The following ORC3 variants were observed in gnomAD, a reference collection of about 807,000 sequenced individuals.
ORC3 encodes origin recognition complex subunit 3, also known as homolog of latheo, Drosophila.
A neutral mutation model predicts 100.7 loss-of-function variants in ORC3; 78 were observed. The observed-to-expected ratio is 0.77, with a 90% CI of 0.65 to 0.94. The LOEUF (loss-of-function observed/expected upper bound fraction) is 0.94. Among genes scored for constraint, ORC3 ranks in the 40% least tolerant of loss-of-function variants. ORC3 has a pLI of 0.00. For synonymous variants in ORC3, 295 were observed against 289.3 expected (o/e 1.02, Z -0.20); for missense variants, 789 against 823.9 (o/e 0.96, Z 0.52).
chr6:87,609,771 C>G (rs953329465), intron 7 of ORC3, among the ~76,000 whole-genome samples: 1 of 151,936 alleles, frequency 6.6e-6, no homozygotes, highest in Non-Finnish European at 1.5e-5. Context: ...AGGCTGTTCT[C>G]GAACTCCTGA....
chr6:87,653,080 G>A (rs1259045129), intron 13 of ORC3, 36 bp from the exon 14 acceptor site: 2 of 1,513,122 alleles, frequency 1.3e-6, no homozygotes, highest in African/African-American at 2.8e-5. Context: ...TAATTTTCTA[G>A]TTATATTACA....
At chr6:87,671,570 C>T (rs1453924690), downstream of ORC3, among the ~76,000 whole-genome samples, 2 of 142,464 alleles carry the variant, frequency 1.4e-5, no homozygotes, top group Non-Finnish European at 3.2e-5. Context: ...AGGCAAGCAG[C>T]CCAAGGTCAA....
chr6:87,606,134 CTA>C (rs1778323737), intron 5 of ORC3, 113 bp downstream of exon 5: 3 of 646,806 alleles, frequency 4.6e-6, no homozygotes, highest in Non-Finnish European at 2.7e-6. Flanking sequence ...GAACACAGTG[CTA>C]TGTTTTAGGC....
the ORC3 span, among the ~76,000 whole-genome samples, chr6:87,672,854 C>A: frequency 6.6e-6 from 1 of 152,060 alleles, no homozygotes; most frequent in Non-Finnish European, 1.5e-5. Context: ...ACGCTTATAC[C>A]TATGTGCACT....
chr6:87,591,750 T>A (rs745451293), intron 1 of ORC3, among the ~76,000 whole-genome samples: 13 of 152,176 alleles, frequency 8.5e-5, no homozygotes, highest in Non-Finnish European at 1.5e-4. Flanking sequence ...TTTTTTTTCT[T>A]GAGACAGAGT....
At chr6:87,613,726 C>T (rs13206536) in intron 8 of ORC3, among the ~76,000 whole-genome samples, 9,768 of 152,178 alleles carry the variant, frequency 0.064, 407 homozygotes, top group African/African-American at 0.12. Context: ...ATCTGAAATC[C>T]AGCGAGGTAG....
intron 2 of ORC3, among the ~76,000 whole-genome samples, chr6:87,597,545 A>G (rs1400005555): frequency 6.6e-6 from 1 of 152,176 alleles, no homozygotes; most frequent in African/African-American, 2.4e-5. Flanking sequence ...TGGAAAAATT[A>G]TGATATGGAA....
intron 7 of ORC3, 125 bp downstream of exon 7, chr6:87,609,354 T>C: frequency 3.2e-6 from 2 of 626,852 alleles, no homozygotes; most frequent in South Asian, 6.2e-5. Context: ...TCAAATTCTT[T>C]ATAATTGAAT....
At chr6:87,658,528 G>T (rs1240628594) in intron 16 of ORC3, among the ~76,000 whole-genome samples, 1 of 151,828 alleles carries the variant, frequency 6.6e-6, no homozygotes, top group African/African-American at 2.4e-5. Flanking sequence ...AAATGACTTA[G>T]TTCATTCTTT....
At chr6:87,644,331 A>T (rs1352114769) in intron 13 of ORC3, among the ~76,000 whole-genome samples, 2 of 147,866 alleles carry the variant, frequency 1.4e-5, no homozygotes, top group Non-Finnish European at 3.0e-5. Flanking sequence ...TGACCTCGTG[A>T]TCTGCCTGCC....
At chr6:87,640,212 AAAC>A (rs916851626) in intron 13 of ORC3, among the ~76,000 whole-genome samples, 4 of 152,200 alleles carry the variant, frequency 2.6e-5, no homozygotes, top group Non-Finnish European at 4.4e-5. Flanking sequence ...AAAATAAAAC[AAAC>A]AATATGTCAT....
At chr6:87,614,160 C>T (rs114366362) in intron 8 of ORC3, among the ~76,000 whole-genome samples, 10,728 of 152,210 alleles carry the variant, frequency 0.07, 411 homozygotes, top group East Asian at 0.095. Context: ...TCCCACACCC[C>T]AGTTCTGTGC....
chr6:87,626,686 C>T (rs1438099417), intron 11 of ORC3, among the ~76,000 whole-genome samples: 1 of 151,616 alleles, frequency 6.6e-6, no homozygotes, highest in Non-Finnish European at 1.5e-5. Flanking sequence ...ACTTGGGAGG[C>T]TGAGACACTA....
In ORC3 at chr6:87,667,240, A is replaced by G. The variant is rs897275225; in HGVS notation, c.*117A>G. 14 of 602,070 alleles carry G rather than the reference A, an allele frequency of 2.3e-5. No homozygotes were observed. Among genetic ancestry groups the G allele is most frequent in the African/African-American group, 2.1e-4 (11 of 53,070 alleles). The allele number at this position is 602,070 out of a possible 1,614,324, so 37.3% of individuals were successfully genotyped here. On this transcript the variant is annotated 3_prime_UTR_variant, in exon 20 of 20. Coordinates refer to ENST00000392844, the MANE Select transcript of ORC3 (RefSeq NM_012381.4). Reference sequence around the variant, plus strand: ...TTGAGAAGATAAATGTGTAACCCCCATTGATGTTTAACCAGAAAAGTACAT... The same window carrying G: ...TTGAGAAGATAAATGTGTAACCCCCGTTGATGTTTAACCAGAAAAGTACAT...
chr6:87,653,396 A>T (rs1338847014), intron 14 of ORC3, 147 bp downstream of exon 14: 1 of 620,386 alleles, frequency 1.6e-6, no homozygotes, highest in Non-Finnish European at 2.5e-6. Context: ...ATAGTATCAC[A>T]TTTTAACAAT....
chr6:87,664,557 G>A (rs536624779), intron 17 of ORC3, among the ~76,000 whole-genome samples, 186 bp from the exon 18 acceptor site: 2 of 152,264 alleles, frequency 1.3e-5, no homozygotes, highest in African/African-American at 4.8e-5. Context: ...AACTAGAGGG[G>A]TTATGACCAA....
chr6:87,648,074 G>A lies in ORC3; in HGVS notation c.1383-5042G>A, dbSNP rs571366162. On this transcript the variant is annotated intron_variant, in intron 13 of 19. Coordinates refer to ENST00000392844, the MANE Select transcript of ORC3 (RefSeq NM_012381.4). The stretch of plus-strand genomic sequence containing the variant: ...AAATTAGCCAGGCATGGTGGCATGC[G>A]CCTGTAGTCCCAGCTACTCTGGAGG... Among the ~76,000 whole-genome samples the A allele has an allele frequency of 1.4e-4, 21 of 152,176 alleles. No individual in the cohort carries two copies. In the East Asian group the frequency reaches 3.3e-3, roughly 24 times the overall value.
intron 2 of ORC3, among the ~76,000 whole-genome samples, chr6:87,600,266 G>A (rs537537222): frequency 1.3e-5 from 2 of 152,050 alleles, no homozygotes; most frequent in East Asian, 1.9e-4. Context: ...AATAAAATAC[G>A]TAGCAGTAAA....
chr6:87,660,906 G>A (rs1157500175), intron 16 of ORC3, among the ~76,000 whole-genome samples: 1 of 152,178 alleles, frequency 6.6e-6, no homozygotes, highest in Admixed American at 6.5e-5. Flanking sequence ...AATGTATAAT[G>A]TATTTTGTTA....
Sources: gnomAD v4.1 joint callset for allele counts (sites outside exome capture counted in the v4.1 genomes callset) on GRCh38, gnomAD v4.1.1 for gene constraint, MANE v1.5 for transcripts, NCBI Gene and HGNC (gene_info 2026-07-23, HGNC 2026-07-21) for gene names.